MVD: variants seen among roughly 807,000 people sequenced by gnomAD.
MVD encodes diphosphomevalonate decarboxylase.
In MVD, 52 loss-of-function variants were observed where a neutral mutation model predicts 42.4. The ratio of observed to expected loss-of-function variants is 1.23; its 90% confidence interval spans 0.98 to 1.55. The LOEUF is 1.55. MVD is among the 40% of genes most tolerant of loss of function. The pLI, the probability that MVD is intolerant of heterozygous loss-of-function variation, is 0.00. For missense variants in MVD, 663 were observed against 572.1 expected, an observed-to-expected ratio of 1.16 and a Z score of -1.62; for synonymous variants, 287 against 243.2, an observed-to-expected ratio of 1.18 and a Z score of -1.68.
chr16:88,657,631 C>G (rs751739236), intron 3 of MVD, 49 bp from the exon 4 acceptor site: 2 of 1,592,298 alleles, frequency 1.3e-6, no homozygotes. Context: ...GCACCCTGCC[C>G]GCCCTGCTCC....
intron 8 of MVD, among the ~76,000 whole-genome samples, chr16:88,654,057 C>T (rs192046169): frequency 2.7e-3 from 404 of 152,152 alleles, no homozygotes; most frequent in African/African-American, 8.4e-3. Context: ...ATCAACAGCC[C>T]CGGGGCGTAA....
At chr16:88,658,788 G>T in intron 1 of MVD, 68 bp from the exon 2 acceptor site, 1 of 1,116,896 alleles carries the variant, frequency 9.0e-7, no homozygotes. Flanking sequence ...TTCCCCACAG[G>T]TGCCCCCACC....
intron 8 of MVD, 61 bp from the exon 9 acceptor site, chr16:88,653,469 C>G (rs12926212): frequency 0.6 from 836,938 of 1,392,206 alleles, 257,308 homozygotes; most frequent in East Asian, 0.77. Flanking sequence ...CTACAACAGT[C>G]TACAACAGGC....
chr16:88,657,791 G>GC, intron 3 of MVD, 124 bp downstream of exon 3: 2 of 1,264,120 alleles, frequency 1.6e-6, no homozygotes, highest in Non-Finnish European at 2.2e-6. Context: ...GGCCCAGCGG[G>GC]CATGTCTGGT....
intron 3 of MVD, 149 bp downstream of exon 3, chr16:88,657,766 T>C: frequency 2.4e-6 from 3 of 1,227,460 alleles, no homozygotes; most frequent in Non-Finnish European, 3.4e-6. Context: ...GGTGGGCCAC[T>C]GCCCTGGAGC....
chr16:88,653,205 G>C (rs1279089104), intron 9 of MVD, 95 bp downstream of exon 9: 36 of 930,198 alleles, frequency 3.9e-5, no homozygotes, highest in Non-Finnish European at 5.6e-5. Flanking sequence ...GTAGGGACAG[G>C]GAGCCGCGCT....
At chr16:88,661,118 G>C (rs991311495) in intron 1 of MVD, among the ~76,000 whole-genome samples, 1 of 148,938 alleles carries the variant, frequency 6.7e-6, no homozygotes, top group Non-Finnish European at 1.5e-5. Flanking sequence ...CAATTCAATA[G>C]AGGAAGGATA....
intron 7 of MVD, 21 bp from the exon 8 acceptor site, chr16:88,654,828 C>T (rs777740195): frequency 1.9e-6 from 3 of 1,553,786 alleles, no homozygotes; most frequent in Non-Finnish European, 2.6e-6. Context: ...CAGCAGTCAC[C>T]CTGGCTATTC....
At position 88,658,678 on chromosome 16, in the gene MVD, G is replaced by T. The variant is rs1366538026; in HGVS notation, c.113C>A (p.Ser38Tyr). 1 of 1,613,734 alleles carries T rather than the reference G, an allele frequency of 6.2e-7. No individual in the cohort carries two copies. The change falls in exon 2 of 10, where the codon TCC becomes TAC. Residue 38 changes from serine to tyrosine, a missense_variant. Physicochemically the swap from Ser to Tyr is moderately radical, Grantham distance 144. Coordinates refer to ENST00000301012, the MANE Select transcript of MVD (RefSeq NM_002461.3). The part of the protein sequence containing the change: ...DEELVLPINS[S>Y]LSVTLHQDQL... ...GTCCTGGTGCAGAGTGACGCTCAGGGAGGAGTTGATGGGCAGAACCAGCTC... is the reference window on the plus strand; with the variant it reads ...GTCCTGGTGCAGAGTGACGCTCAGGTAGGAGTTGATGGGCAGAACCAGCTC...
intron 9 of MVD, 87 bp downstream of exon 9, chr16:88,653,213 G>A (rs557037574): frequency 3.9e-5 from 41 of 1,045,030 alleles, no homozygotes; most frequent in African/African-American, 3.1e-4. Context: ...AGGGAGCCGC[G>A]CTTAGCCTTT....
chr16:88,662,927 C>T lies in MVD; in HGVS notation c.70+84G>A. The T allele has an allele frequency of 8.4e-6, 13 of 1,540,978 alleles. 1 individual carries two copies. In the South Asian group the frequency reaches 1.6e-4, roughly 18 times the overall value. On this transcript the variant is annotated intron_variant, in intron 1 of 9. Coordinates refer to ENST00000301012, the MANE Select transcript of MVD (RefSeq NM_002461.3). Reference sequence around the variant, plus strand: ...GAGGCCCTGGGAGGGCAGGACGGAGCGCGCCGCCGAATCAGCGCGCGACCC... The same window carrying T: ...GAGGCCCTGGGAGGGCAGGACGGAGTGCGCCGCCGAATCAGCGCGCGACCC...
intron 1 of MVD, chr16:88,659,069 A>G (rs1382291045): frequency 5.9e-6 from 2 of 341,820 alleles, no homozygotes; most frequent in Non-Finnish European, 1.2e-5. Flanking sequence ...CAGCTCTGAG[A>G]ACTCCTCACA....
Position 88,652,367 on chromosome 16 carries a change from G to C in MVD, c.*158C>G. ...GACCTCTCCTGACACCTGGGCGGCC[G>C]CAGGACTCCCTGCACTGCCCCACAG... On this transcript the variant is annotated 3_prime_UTR_variant, in exon 10 of 10. Transcript: ENST00000301012. 1.3e-6 allele frequency: 1 copy of C among 780,314 alleles called. No homozygotes were observed. Among genetic ancestry groups the C allele is most frequent in the Non-Finnish European group, 2.1e-6 (1 of 465,746 alleles). 48.3% of individuals were successfully genotyped at this position (780,314 alleles called of 1,614,324 possible).
In MVD at chr16:88,654,436, A is replaced by C. The variant is rs573962806; in HGVS notation, c.1013+256T>G. Among the ~76,000 whole-genome samples, 233 of 152,242 alleles carry C rather than the reference A, an allele frequency of 1.5e-3. 1 individual carries two copies. The highest frequency in any genetic ancestry group is 2.6e-3 in the Non-Finnish European group (179 of 67,994). ...CCTGCGGGGTCCCGAGCTGCAGGGGACGCTGTCACTCAGGAGGTGGGAGAC... is the reference window on the plus strand; with the variant it reads ...CCTGCGGGGTCCCGAGCTGCAGGGGCCGCTGTCACTCAGGAGGTGGGAGAC... On this transcript the variant is annotated intron_variant, in intron 8 of 9. Transcript: ENST00000301012.
rs1222726042 is a variant in MVD, at chr16:88,656,099, A to C, written c.603+6T>G. ...GCTGCTGCTCCACCCGCCCCACCCCACTCACCACAAGGATGAGCACGCGGA... is the reference window on the plus strand; with the variant it reads ...GCTGCTGCTCCACCCGCCCCACCCCCCTCACCACAAGGATGAGCACGCGGA... On this transcript the variant is annotated splice_donor_region_variant and intron_variant, in intron 5 of 9. Transcript: ENST00000301012. The C allele has an allele frequency of 1.9e-6, 3 of 1,579,180 alleles. No homozygotes were observed. Among genetic ancestry groups the C allele is most frequent in the Non-Finnish European group, 2.6e-6 (3 of 1,164,928 alleles).
Position 88,652,451 on chromosome 16 carries a change from G to A in MVD, c.*74C>T. ...CCCACATGTCCCAGGAGTCCGGCCA[G>A]CCCACCACATCCGCTCCCTAGCTCC... On this transcript the variant is annotated 3_prime_UTR_variant, in exon 10 of 10. Coordinates refer to ENST00000301012, the MANE Select transcript of MVD (RefSeq NM_002461.3). The A allele has an allele frequency of 6.7e-7, 1 of 1,492,638 alleles. No homozygotes were observed. Among genetic ancestry groups the A allele is most frequent in the Admixed American group, 2.0e-5 (1 of 50,924 alleles). The allele number at this position is 1,492,638 out of a possible 1,614,324, so 92.5% of individuals were successfully genotyped here.
intron 2 of MVD, 42 bp downstream of exon 2, chr16:88,658,608 T>C (rs1006007475): frequency 1.3e-6 from 2 of 1,590,346 alleles, no homozygotes; most frequent in African/African-American, 2.7e-5. Flanking sequence ...ACAAATGTTC[T>C]GGAAATGGCA....
At chr16:88,662,521 C>T (rs1455490627) in intron 1 of MVD, among the ~76,000 whole-genome samples, 3 of 152,314 alleles carry the variant, frequency 2.0e-5, no homozygotes, top group African/African-American at 7.2e-5. Flanking sequence ...TGCGGGCCCC[C>T]CATTACCGCT....
intron 8 of MVD, 159 bp from the exon 9 acceptor site, chr16:88,653,567 T>C (rs943858547): frequency 1.7e-6 from 1 of 601,152 alleles, no homozygotes; most frequent in Non-Finnish European, 2.8e-6. Context: ...AGGTTTCTTT[T>C]AGGGGTGATG....
Sources: gnomAD v4.1 joint callset for allele counts (sites outside exome capture counted in the v4.1 genomes callset) on GRCh38, gnomAD v4.1.1 for gene constraint, MANE v1.5 for transcripts, NCBI Gene and HGNC (gene_info 2026-07-23, HGNC 2026-07-21) for gene names.